The following NRF1 variants were observed in gnomAD, a reference collection of about 807,000 sequenced individuals.
NRF1 encodes the protein nuclear respiratory factor 1, also known as alpha palindromic-binding protein.
In NRF1, 5 loss-of-function variants were observed where a neutral mutation model predicts 58.5. That is an observed-to-expected ratio of 0.09 (90% CI 0.04 to 0.18). The LOEUF (loss-of-function observed/expected upper bound fraction) is 0.18, where lower values mean the gene tolerates loss of function less well. Among genes scored for constraint, NRF1 ranks in the 10% least tolerant of loss-of-function variants. The pLI, the probability that NRF1 is intolerant of heterozygous loss-of-function variation, is 1.00. For missense variants in NRF1, 288 were observed against 657.7 expected (o/e 0.44, Z 6.15); for synonymous variants, 224 against 246.7 (o/e 0.91, Z 0.86).
intron 1 of NRF1, among the ~76,000 whole-genome samples, chr7:129,650,605 CAT>C (rs1355294197): frequency 1.3e-5 from 2 of 152,200 alleles, no homozygotes; most frequent in Admixed American, 1.3e-4. Context: ...ATCGGGAAGA[CAT>C]AGAGATTCTG....
intron 1 of NRF1, among the ~76,000 whole-genome samples, chr7:129,616,145 A>T (rs1259586861): frequency 6.6e-6 from 1 of 152,250 alleles, no homozygotes; most frequent in Non-Finnish European, 1.5e-5. Context: ...CAGTGTAGTT[A>T]GCAAAACATC....
intron 4 of NRF1, among the ~76,000 whole-genome samples, chr7:129,683,365 A>G (rs60359190): frequency 0.022 from 3,226 of 144,530 alleles, 112 homozygotes; most frequent in African/African-American, 0.077. Flanking sequence ...GACTTGCTCT[A>G]TTGCCCAGGC....
intron 2 of NRF1, among the ~76,000 whole-genome samples, chr7:129,657,989 C>A (rs1180376035): frequency 6.6e-6 from 1 of 152,156 alleles, no homozygotes; most frequent in African/African-American, 2.4e-5. Flanking sequence ...TAATCACTTA[C>A]TATCAGTGTT....
chr7:129,666,594 C>T (rs1355484737), intron 2 of NRF1, among the ~76,000 whole-genome samples: 3 of 152,060 alleles, frequency 2.0e-5, no homozygotes, highest in East Asian at 1.9e-4. Context: ...TGCAGTGGCA[C>T]GATCTCTGCT....
At chr7:129,733,992 C>T (rs1803647847) in intron 10 of NRF1, among the ~76,000 whole-genome samples, 1 of 151,822 alleles carries the variant, frequency 6.6e-6, no homozygotes, top group Non-Finnish European at 1.5e-5. Flanking sequence ...CGCTGCACTC[C>T]AGCCAGGATG....
chr7:129,742,503 G>A (rs1454037684), intron 10 of NRF1, among the ~76,000 whole-genome samples: 1 of 152,146 alleles, frequency 6.6e-6, no homozygotes, highest in African/African-American at 2.4e-5. Context: ...TACCTACACT[G>A]CATTGCTCTC....
intron 2 of NRF1, among the ~76,000 whole-genome samples, chr7:129,669,273 A>G (rs1239540137): frequency 6.6e-6 from 1 of 152,150 alleles, no homozygotes; most frequent in African/African-American, 2.4e-5. Context: ...GAGTATATAC[A>G]TTTTTAAAAT....
chr7:129,611,922 A>G (rs1247756705), intron 1 of NRF1, 98 bp downstream of exon 1: 1 of 148,042 alleles, frequency 6.8e-6, no homozygotes, highest in East Asian at 2.0e-4. Context: ...CGCAGCCGGC[A>G]CCCTGCCGCC....
intron 3 of NRF1, among the ~76,000 whole-genome samples, chr7:129,676,507 C>G (rs1383967782): frequency 1.3e-5 from 2 of 152,214 alleles, no homozygotes; most frequent in Non-Finnish European, 2.9e-5. Context: ...GGGAGAGAGG[C>G]AGGAAACAGT....
At chr7:129,647,067 A>C (rs1454303984) in intron 1 of NRF1, among the ~76,000 whole-genome samples, 1 of 152,056 alleles carries the variant, frequency 6.6e-6, no homozygotes, top group Non-Finnish European at 1.5e-5. Flanking sequence ...ATGGAGTCGC[A>C]CCCTGTCGCC....
At chr7:129,629,003 A>G (rs1411797623) in intron 1 of NRF1, among the ~76,000 whole-genome samples, 2 of 152,242 alleles carry the variant, frequency 1.3e-5, no homozygotes, top group East Asian at 1.9e-4. Context: ...CTTTTAAGTA[A>G]TGGAAAACTA....
At chr7:129,723,718 A>G (rs986527853) in intron 9 of NRF1, among the ~76,000 whole-genome samples, 2 of 152,210 alleles carry the variant, frequency 1.3e-5, no homozygotes, top group Non-Finnish European at 2.9e-5. Context: ...CCATGTGACC[A>G]TATAGGTGAA....
At position 129,677,720 on chromosome 7, in the gene NRF1, G is replaced by A; in HGVS notation, c.427G>A (p.Val143Ile). The stretch of plus-strand genomic sequence containing the variant: ...TATCTCACCCTCCAAACCTAACCCT[G>A]TCTTTAAAGTGTTTGGTGCAGCACC... ...LCISPSKPNP[V>I]FKVFGAAPLE... The change falls in exon 4 of 11, where the codon GTC becomes ATC. Residue 143 changes from valine to isoleucine, a missense_variant. Coordinates refer to ENST00000393232, the MANE Select transcript of NRF1 (RefSeq NM_005011.5). 1 of 1,614,112 alleles carries A rather than the reference G, an allele frequency of 6.2e-7. No homozygotes were observed. The highest frequency in any genetic ancestry group is 8.5e-7 in the Non-Finnish European group (1 of 1,179,988).
intron 1 of NRF1, among the ~76,000 whole-genome samples, chr7:129,621,081 T>C (rs1800788022): frequency 6.6e-6 from 1 of 152,252 alleles, no homozygotes; most frequent in African/African-American, 2.4e-5. Flanking sequence ...CACTAGATCT[T>C]ACTTGATTTC....
chr7:129,683,793 C>T (rs1045586652), intron 4 of NRF1, among the ~76,000 whole-genome samples: 19 of 151,408 alleles, frequency 1.3e-4, no homozygotes, highest in African/African-American at 3.9e-4. Context: ...CCACCATGCC[C>T]GGCTAATTTT....
At chr7:129,753,999 CCTGTT>C (rs1266331286) in intron 10 of NRF1, among the ~76,000 whole-genome samples, 2 of 151,928 alleles carry the variant, frequency 1.3e-5, no homozygotes, top group Admixed American at 6.6e-5. Flanking sequence ...ATAATGGTGG[CCTGTT>C]CTGAGAGGGA....
At chr7:129,703,655 C>T (rs1802886044) in intron 5 of NRF1, among the ~76,000 whole-genome samples, 1 of 152,198 alleles carries the variant, frequency 6.6e-6, no homozygotes, top group Non-Finnish European at 1.5e-5. Context: ...AAAATGTACA[C>T]ACCTGAAAAA....
chr7:129,662,643 T>C (rs566775871), intron 2 of NRF1, among the ~76,000 whole-genome samples: 1 of 152,338 alleles, frequency 6.6e-6, no homozygotes, highest in East Asian at 1.9e-4. Flanking sequence ...ATTTGGGGTC[T>C]AGTATAATGT....
chr7:129,699,581 A>G (rs1273773379), intron 5 of NRF1, among the ~76,000 whole-genome samples: 4 of 151,802 alleles, frequency 2.6e-5, no homozygotes, highest in Admixed American at 6.6e-5. Context: ...TTACAAAAAA[A>G]TTAGCCAGGT....
Sources: gnomAD v4.1 joint callset for allele counts (sites outside exome capture counted in the v4.1 genomes callset) on GRCh38, gnomAD v4.1.1 for gene constraint, MANE v1.5 for transcripts, NCBI Gene and HGNC (gene_info 2026-07-23, HGNC 2026-07-21) for gene names.